DNAJC3: variants seen among roughly 807,000 people sequenced by gnomAD.
DNAJC3 encodes the protein dnaJ homolog subfamily C member 3.
DNAJC3 carries 38 observed loss-of-function variants against 68.6 expected under a neutral mutation model. The observed-to-expected ratio is 0.55, with a 90% confidence interval of 0.43 to 0.73. The LOEUF (loss-of-function observed/expected upper bound fraction) is 0.73. Among genes scored for constraint, DNAJC3 ranks in the 30% least tolerant of loss-of-function variants. The pLI, the probability that DNAJC3 is intolerant of heterozygous loss-of-function variation, is 0.00. For missense variants in DNAJC3, 526 were observed against 591.9 expected (o/e 0.89, Z 1.16); for synonymous variants, 203 against 204.0 (o/e 1.00, Z 0.04).
chr13:95,679,137 T>C (rs1029880635), intron 1 of DNAJC3, among the ~76,000 whole-genome samples: 2 of 148,444 alleles, frequency 1.3e-5, no homozygotes, highest in East Asian at 1.9e-4. Flanking sequence ...AGTTAAGTAG[T>C]TGACAACATC....
intron 4 of DNAJC3, among the ~76,000 whole-genome samples, chr13:95,726,151 T>C (rs1292533229): frequency 6.6e-6 from 1 of 152,058 alleles, no homozygotes; most frequent in Admixed American, 6.6e-5. Context: ...GCATGTGTCT[T>C]TATAGCAGCA....
chr13:95,723,234 AT>A lies in DNAJC3; in HGVS notation c.194-4del, dbSNP rs767501731. On this transcript the variant is annotated splice_polypyrimidine_tract_variant and splice_region_variant and intron_variant, in intron 2 of 11. Coordinates refer to ENST00000602402, the MANE Select transcript of DNAJC3 (RefSeq NM_006260.5). The stretch of plus-strand genomic sequence containing the variant: ...ATGACTAAGAGGTAATATTATTTTA[AT>A]TTTCAGATGGTGACCCTGATAACTA... 1.3e-5 allele frequency: 21 copies of A among 1,572,498 alleles called. No homozygotes were observed. The South Asian group carries it at 2.5e-4, about 19-fold the overall frequency.
intron 4 of DNAJC3, chr13:95,742,680 A>G (rs1206406527): frequency 3.9e-6 from 2 of 518,940 alleles, no homozygotes; most frequent in South Asian, 2.8e-5. Flanking sequence ...TCTCTCCTAG[A>G]TGATCTATAC....
chr13:95,705,993 G>A (rs1019164376), intron 1 of DNAJC3, among the ~76,000 whole-genome samples: 3 of 151,866 alleles, frequency 2.0e-5, no homozygotes, highest in African/African-American at 7.3e-5. Context: ...ATTATGCTAG[G>A]GAAACTTTGG....
In DNAJC3 at chr13:95,791,368, C is replaced by A; in HGVS notation, c.*338C>A. 1 of 305,168 alleles carries A rather than the reference C, an allele frequency of 3.3e-6. No individual in the cohort carries two copies. The highest frequency in any genetic ancestry group is 6.2e-6 in the Non-Finnish European group (1 of 161,714). 18.9% of individuals were successfully genotyped at this position (305,168 alleles called of 1,614,324 possible). A position where few individuals can be genotyped will look rare whatever the true frequency, so the allele number is the denominator to read the frequency against. Reference sequence around the variant, plus strand: ...GGAGCTGAGATTCTTCTCTTCACAGCCTTGCAGAGTAAGTCAGTGCCTACA... The same window carrying A: ...GGAGCTGAGATTCTTCTCTTCACAGACTTGCAGAGTAAGTCAGTGCCTACA... On this transcript the variant is annotated 3_prime_UTR_variant, in exon 12 of 12. Coordinates refer to ENST00000602402, the MANE Select transcript of DNAJC3 (RefSeq NM_006260.5).
rs573798703 is a variant in DNAJC3 at position 95,774,987 on chromosome 13, G to T, written c.1076-10952G>T. Reference sequence around the variant, plus strand: ...TATTACTGTGATTATTGATATGGTTGTATGTAGGTCTGCCATTTTACTATT... The same window carrying T: ...TATTACTGTGATTATTGATATGGTTTTATGTAGGTCTGCCATTTTACTATT... On this transcript the variant is annotated intron_variant, in intron 9 of 11. Coordinates refer to ENST00000602402, the MANE Select transcript of DNAJC3 (RefSeq NM_006260.5). Among the ~76,000 whole-genome samples, 12 of 152,308 alleles carry T rather than the reference G, an allele frequency of 7.9e-5. No individual in the cohort carries two copies. The South Asian group carries it at 2.5e-3, about 32-fold the overall frequency.
chr13:95,766,341 C>G (rs570557381), intron 9 of DNAJC3, among the ~76,000 whole-genome samples: 1 of 152,308 alleles, frequency 6.6e-6, no homozygotes, highest in East Asian at 1.9e-4. Context: ...GAGGATGCCT[C>G]TGAGATCTTG....
At chr13:95,772,967 T>A (rs892472916) in intron 9 of DNAJC3, among the ~76,000 whole-genome samples, 1 of 152,166 alleles carries the variant, frequency 6.6e-6, no homozygotes, top group Non-Finnish European at 1.5e-5. Context: ...AGTTCAGTGT[T>A]AAGGATGTAC....
rs1227267347 is a variant in DNAJC3, at chr13:95,693,963, A to G, written c.83-15264A>G. The G allele has an allele frequency of 7.2e-5, 11 of 152,044 alleles. No homozygotes were observed. The South Asian group carries it at 2.3e-3, about 32-fold the overall frequency. The allele number at this position is 152,044 out of a possible 1,614,324, so 9.4% of individuals were successfully genotyped here. A position where few individuals can be genotyped will look rare whatever the true frequency, so the allele number is the denominator to read the frequency against. On this transcript the variant is annotated intron_variant, in intron 1 of 11. Coordinates refer to ENST00000602402, the MANE Select transcript of DNAJC3 (RefSeq NM_006260.5). ...TTTTTATCCCCTCCTTTCTAACTCT[A>G]CTCTTAATTATCTACTCTATTACCC...
intron 4 of DNAJC3, among the ~76,000 whole-genome samples, chr13:95,744,364 A>G (rs1372090172): frequency 6.6e-6 from 1 of 152,242 alleles, no homozygotes; most frequent in Non-Finnish European, 1.5e-5. Flanking sequence ...ATGGGAGACC[A>G]AGTTAAATTT....
intron 1 of DNAJC3, among the ~76,000 whole-genome samples, chr13:95,696,230 C>G (rs749081659): frequency 6.6e-6 from 1 of 152,194 alleles, no homozygotes; most frequent in African/African-American, 2.4e-5. Context: ...AGATTAACCT[C>G]GCCAACATGG....
intron 9 of DNAJC3, among the ~76,000 whole-genome samples, chr13:95,779,455 G>A (rs1022801664): frequency 2.6e-5 from 4 of 152,062 alleles, no homozygotes; most frequent in East Asian, 3.9e-4. Flanking sequence ...TAAGAATATT[G>A]ACATTGTTAG....
intron 7 of DNAJC3, 55 bp from the exon 8 acceptor site, chr13:95,763,588 A>T (rs755869456): frequency 1.6e-5 from 25 of 1,551,470 alleles, no homozygotes; most frequent in Non-Finnish European, 2.0e-5. Context: ...GAGCCTTTCT[A>T]CAGCTCTGGA....
chr13:95,684,325 G>A (rs1029992023), intron 1 of DNAJC3, among the ~76,000 whole-genome samples: 5 of 152,186 alleles, frequency 3.3e-5, no homozygotes, highest in African/African-American at 1.2e-4. Flanking sequence ...CTGGTCTATG[G>A]ATCTGTGGAA....
chr13:95,697,066 T>C (rs745736754), intron 1 of DNAJC3, among the ~76,000 whole-genome samples: 1 of 152,226 alleles, frequency 6.6e-6, no homozygotes, highest in Non-Finnish European at 1.5e-5. Context: ...TGTTATAGTG[T>C]TGTTAGCTAG....
chr13:95,756,818 T>C lies in DNAJC3; in HGVS notation c.394-826T>C, dbSNP rs376714849. On this transcript the variant is annotated intron_variant, in intron 4 of 11. Transcript: ENST00000602402. ...CTACCTGGTTTTCTGAGATAATTAT[T>C]TTTTGTCTGGAGGAAGAAATTGTTA... Among the ~76,000 whole-genome samples the C allele has an allele frequency of 2.8e-3, 426 of 152,188 alleles. 5 individuals are homozygous for C. Among genetic ancestry groups the C allele is most frequent in the African/African-American group, 9.8e-3 (409 of 41,526 alleles).
At chr13:95,735,067 A>G (rs1202317552) in intron 4 of DNAJC3, among the ~76,000 whole-genome samples, 2 of 150,262 alleles carry the variant, frequency 1.3e-5, no homozygotes, top group African/African-American at 2.5e-5. Flanking sequence ...GAGAACATGC[A>G]GTGTTTTGTT....
chr13:95,724,478 C>A (rs879662115), intron 3 of DNAJC3, among the ~76,000 whole-genome samples: 4 of 152,090 alleles, frequency 2.6e-5, no homozygotes, highest in Admixed American at 6.6e-5. Flanking sequence ...TCCCAACTTA[C>A]GCAACTTTTA....
chr13:95,737,149 C>A (rs1464718714), intron 4 of DNAJC3, among the ~76,000 whole-genome samples: 1 of 150,388 alleles, frequency 6.6e-6, no homozygotes, highest in Non-Finnish European at 1.5e-5. Flanking sequence ...ATTGAACCAG[C>A]CTTGCATCCC....
Sources: allele counts gnomAD v4.1 joint callset (sites outside exome capture counted in the v4.1 genomes callset), GRCh38; gene constraint gnomAD v4.1.1; transcripts MANE v1.5; gene names NCBI Gene and HGNC (gene_info 2026-07-23, HGNC 2026-07-21).